Variants in CWF19L2 observed in about 807,000 individuals in gnomAD.
CWF19L2 encodes CWF19 like cell cycle control factor 2.
CWF19L2 carries 98 observed loss-of-function variants against 111.7 expected under a neutral mutation model. That is an observed-to-expected ratio of 0.88 (90% CI 0.75 to 1.04). CWF19L2 has a LOEUF of 1.04. Ranked by LOEUF, CWF19L2 falls within the 50% of genes least tolerant of loss-of-function variation. CWF19L2 has a pLI of 0.00. For missense variants in CWF19L2, 1,101 were observed against 1,051.4 expected (o/e 1.05, Z -0.65); for synonymous variants, 351 against 342.9 (o/e 1.02, Z -0.26).
At chr11:107,419,466 G>C (rs1306122380) in intron 8 of CWF19L2, among the ~76,000 whole-genome samples, 1 of 151,990 alleles carries the variant, frequency 6.6e-6, no homozygotes, top group Non-Finnish European at 1.5e-5. Flanking sequence ...CAAATAAGTA[G>C]AAAAACACAA....
intron 14 of CWF19L2, among the ~76,000 whole-genome samples, chr11:107,345,141 T>C (rs1373316818): frequency 2.0e-5 from 3 of 152,202 alleles, no homozygotes; most frequent in Admixed American, 6.5e-5. Flanking sequence ...TAGGAAAATA[T>C]ACAAATTTGC....
In CWF19L2 at chr11:107,432,507, G is replaced by T. The variant is rs982191308; in HGVS notation, c.780+1127C>A. Among the ~76,000 whole-genome samples the T allele has an allele frequency of 1.1e-4, 17 of 152,170 alleles. 1 individual carries two copies. The highest frequency in any genetic ancestry group is 1.1e-3 in the Admixed American group (17 of 15,302). On this transcript the variant is annotated intron_variant, in intron 7 of 17. Transcript: ENST00000282251. ...CTGAGGCAAGAGAATCACTTGAACC[G>T]AGGAGGCAGAGGTTGCAGTGAGCTG...
rs1372639059 is a variant in CWF19L2 at position 107,429,181 on chromosome 11, A to C, written c.1051T>G (p.Ser351Ala). Residue 351 changes from serine (S) to alanine (A), a missense_variant, in exon 8 of 18, where the codon TCT (serine) becomes GCT (alanine). By Grantham distance (99) the Ser-to-Ala change is moderately conservative. Coordinates refer to ENST00000282251, the MANE Select transcript of CWF19L2 (RefSeq NM_152434.3). ...AACTCTTGATTTTGCCTTGGGTTAGATTCTCTTCTACACGTTTCTAAAGAC... is the reference window on the plus strand; with the variant it reads ...AACTCTTGATTTTGCCTTGGGTTAGCTTCTCTTCTACACGTTTCTAAAGAC... ...PGSLETCRRE[S>A]NPRQNQEFSF... The C allele has an allele frequency of 1.2e-6, 2 of 1,613,576 alleles. No individual in the cohort carries two copies. Among genetic ancestry groups the C allele is most frequent in the Non-Finnish European group, 1.7e-6 (2 of 1,179,724 alleles).
intron 8 of CWF19L2, among the ~76,000 whole-genome samples, chr11:107,427,635 A>G (rs1470000704): frequency 6.6e-6 from 1 of 152,164 alleles, no homozygotes; most frequent in Non-Finnish European, 1.5e-5. Flanking sequence ...TAATGATATC[A>G]GGAAATAAGA....
chr11:107,409,793 C>G (rs1051395324), intron 10 of CWF19L2, among the ~76,000 whole-genome samples: 2 of 151,964 alleles, frequency 1.3e-5, no homozygotes, highest in Non-Finnish European at 2.9e-5. Context: ...GATGGCCAGA[C>G]TAGATGATGT....
intron 3 of CWF19L2, among the ~76,000 whole-genome samples, 185 bp from the exon 4 acceptor site, chr11:107,443,234 A>T (rs1861656475): frequency 6.6e-6 from 1 of 152,176 alleles, no homozygotes. Context: ...TAATCTCAGC[A>T]CTTTGGGAGG....
intron 12 of CWF19L2, among the ~76,000 whole-genome samples, chr11:107,369,452 C>A (rs1860478417): frequency 7.3e-6 from 1 of 137,098 alleles, no homozygotes. Flanking sequence ...AGAGAAAAAA[C>A]ACAAAATGCC....
intron 2 of CWF19L2, among the ~76,000 whole-genome samples, chr11:107,455,357 A>T (rs1023188331): frequency 3.9e-5 from 6 of 152,088 alleles, no homozygotes; most frequent in African/African-American, 1.4e-4. Flanking sequence ...CTAAAAAAAT[A>T]AAATAAAATA....
intron 8 of CWF19L2, among the ~76,000 whole-genome samples, chr11:107,427,798 TG>T (rs1209710810): frequency 6.6e-6 from 1 of 152,132 alleles, no homozygotes; most frequent in Admixed American, 6.6e-5. Context: ...TTCCACTTCC[TG>T]GGAGGAAAGC....
Position 107,327,032 on chromosome 11 carries a change from C to T in CWF19L2, c.2563G>A (p.Asp855Asn), listed in dbSNP as rs1310636668. Residue 855 changes from aspartate to asparagine, a missense_variant, in exon 18 of 18, where the codon GAT becomes AAT. Transcript: ENST00000282251. ...TTCCTCCAAAGTCTTGGTTCTATAT[C>T]CAGCATCCCACCTATGATTTCCTTT... ...FGKEIIGGML[D>N]IEPRLWRKGI... The T allele has an allele frequency of 6.2e-7, 1 of 1,605,912 alleles. No homozygotes were observed. Among genetic ancestry groups the T allele is most frequent in the East Asian group, 2.2e-5 (1 of 44,546 alleles).
rs1051867024 is a variant in CWF19L2, at chr11:107,454,570, T to C, written c.219A>G (p.Glu73=). ...TTTTCTTCTTTTTCTTCACAGAGTG[T>C]TCCTACAATCATTTTGAACAGGCAA... ...VNERIEQFSQ[E]HSVKKKKKKD... The change falls in exon 3 of 18, where the codon GAA becomes GAG. Residue 73 remains glutamate, a splice_region_variant and synonymous_variant. Transcript: ENST00000282251. 6.4e-6 allele frequency: 9 copies of C among 1,405,466 alleles called. No homozygotes were observed. Among genetic ancestry groups the C allele is most frequent in the Non-Finnish European group, 7.4e-6 (8 of 1,082,618 alleles). 87.1% of individuals were successfully genotyped at this position (1,405,466 alleles called of 1,614,324 possible). A position where few individuals can be genotyped will look rare whatever the true frequency, so the allele number is the denominator to read the frequency against.
At chr11:107,445,653 TA>T (rs1343193901) in intron 3 of CWF19L2, among the ~76,000 whole-genome samples, 4 of 150,708 alleles carry the variant, frequency 2.7e-5, no homozygotes, top group African/African-American at 4.9e-5. Flanking sequence ...ATCTCTCACC[TA>T]AACAACTGAT....
At chr11:107,438,059 A>T (rs1306593978) in intron 6 of CWF19L2, among the ~76,000 whole-genome samples, 23 of 152,238 alleles carry the variant, frequency 1.5e-4, no homozygotes, top group Admixed American at 1.5e-3. Context: ...TAAAATTGCT[A>T]AATTAAGAAG....
intron 14 of CWF19L2, 89 bp downstream of exon 14, chr11:107,348,848 A>G: frequency 1.6e-6 from 1 of 620,920 alleles, no homozygotes; most frequent in Non-Finnish European, 2.8e-6. Flanking sequence ...AAATCATTAA[A>G]TGAAGTTATA....
chr11:107,380,046 C>CAAAAAAAAAAAAAAAA (rs66699460), intron 12 of CWF19L2, among the ~76,000 whole-genome samples: 7 of 34,490 alleles, frequency 2.0e-4, no homozygotes, highest in African/African-American at 2.1e-4. Context: ...GACACCGTCT[C>CAAAAAAAAAAAAAAAA]AAAAAAAAAA....
rs1251377983 is a variant in CWF19L2 at position 107,365,410 on chromosome 11, A to T, written c.1873-11674T>A. Among the ~76,000 whole-genome samples, 627 of 84,518 alleles carry T rather than the reference A, an allele frequency of 7.4e-3. 15 individuals are homozygous for T. The highest frequency in any genetic ancestry group is 0.035 in the African/African-American group (560 of 16,082). The allele number at this position is 84,518 out of a possible 152,430, so 55.4% of individuals were successfully genotyped here. On this transcript the variant is annotated intron_variant, in intron 12 of 17. Transcript: ENST00000282251. ...AGACCAATATCCTTGATGAACATTG[A>T]TGCAAAAATCCTCAATAAAATACTG...
Position 107,429,230 on chromosome 11 carries a change from A to G in CWF19L2, c.1002T>C (p.Gly334=), listed in dbSNP as rs145664438. 66 of 1,612,110 alleles carry G rather than the reference A, an allele frequency of 4.1e-5. No individual in the cohort carries two copies. In the African/African-American group the frequency reaches 7.2e-4, roughly 18 times the overall value. ...ACCCAGGTCTCTTATCTTTTTCATC[A>G]CCAATAAATTTTTCATTATTGCTAT... ...AKNSNNEKFI[G]DEKDKRPGSL... is the part of the protein sequence containing the mutation. The change falls in exon 8 of 18, where the codon GGT becomes GGC. Residue 334 remains glycine, a synonymous_variant. Transcript: ENST00000282251.
intron 12 of CWF19L2, among the ~76,000 whole-genome samples, chr11:107,371,186 G>T (rs1281768042): frequency 7.4e-6 from 1 of 135,072 alleles, no homozygotes; most frequent in Non-Finnish European, 1.6e-5. Context: ...TGTATTTTTA[G>T]TAGAGACAGG....
In CWF19L2 at chr11:107,373,189, A is replaced by C. The variant is rs959515579; in HGVS notation, c.1872+16885T>G. On this transcript the variant is annotated intron_variant, in intron 12 of 17. Transcript: ENST00000282251. ...CAAACTGCAAGGCGGCAGCGAGGCT[A>C]GGGGAGGGGCGCCTGCCATTGCCCA... Among the ~76,000 whole-genome samples the C allele has an allele frequency of 3.9e-5, 5 of 128,974 alleles. 2 individuals carry two copies. Among genetic ancestry groups the C allele is most frequent in the African/African-American group, 1.6e-4 (5 of 30,656 alleles). The allele number at this position is 128,974 out of a possible 152,430, so 84.6% of individuals were successfully genotyped here.
Sources: allele counts gnomAD v4.1 joint callset (sites outside exome capture counted in the v4.1 genomes callset), GRCh38; gene constraint gnomAD v4.1.1; transcripts MANE v1.5; gene names NCBI Gene and HGNC (gene_info 2026-07-23, HGNC 2026-07-21).